SNAP47: variants seen among roughly 807,000 people sequenced by gnomAD.
SNAP47 encodes synaptosomal-associated protein 47.
A neutral mutation model predicts 31.4 loss-of-function variants in SNAP47; 20 were observed. The observed-to-expected ratio is 0.64, with a 90% CI of 0.45 to 0.93. The LOEUF (loss-of-function observed/expected upper bound fraction) is 0.93, where lower values mean the gene tolerates loss of function less well. Among genes scored for constraint, SNAP47 ranks in the 40% least tolerant of loss-of-function variants. The pLI, the probability that SNAP47 is intolerant of heterozygous loss-of-function variation, is 0.00. For synonymous variants in SNAP47, 194 were observed against 213.4 expected, an observed-to-expected ratio of 0.91 and a Z score of 0.79; for missense variants, 492 against 528.5, an observed-to-expected ratio of 0.93 and a Z score of 0.68.
At chr1:227,749,160 T>A (rs546966231) in intron 2 of SNAP47, among the ~76,000 whole-genome samples, 5 of 152,266 alleles carry the variant, frequency 3.3e-5, no homozygotes, top group African/African-American at 1.2e-4. Context: ...TTGTTTTGCT[T>A]ATGGTTTCTG....
intron 4 of SNAP47, chr1:227,768,487 C>A (rs1663580123): frequency 4.5e-6 from 1 of 222,262 alleles, no homozygotes; most frequent in Non-Finnish European, 7.6e-6. Flanking sequence ...TTTTTAAAAA[C>A]CAATTCTTAC....
chr1:227,734,875 T>C, upstream of SNAP47: 1 of 1,602,110 alleles, frequency 6.2e-7, no homozygotes, highest in African/African-American at 1.3e-5. Context: ...CTCCAAACCG[T>C]CTGCAGAGGA....
At chr1:227,734,036 TGA>T, upstream of SNAP47, 1 of 1,611,928 alleles carries the variant, frequency 6.2e-7, no homozygotes, top group Non-Finnish European at 8.5e-7. Flanking sequence ...AAAGTCCCTG[TGA>T]GGAGGGCGCA....
chr1:227,732,584 C>T (rs752532169), upstream of SNAP47: 2 of 1,613,514 alleles, frequency 1.2e-6, no homozygotes, highest in South Asian at 1.1e-5. Flanking sequence ...CAGCGGCTGC[C>T]TCCCTCAGGA....
At chr1:227,745,009 G>C (rs577041528) in intron 1 of SNAP47, among the ~76,000 whole-genome samples, 1 of 152,200 alleles carries the variant, frequency 6.6e-6, no homozygotes, top group African/African-American at 2.4e-5. Context: ...GAGAGGAAGC[G>C]TGCCAGGATC....
intron 4 of SNAP47, among the ~76,000 whole-genome samples, chr1:227,775,397 A>T (rs558019111): frequency 6.6e-6 from 1 of 152,200 alleles, no homozygotes; most frequent in South Asian, 2.1e-4. Flanking sequence ...CAGCTTAATG[A>T]CACGGCCAGG....
At chr1:227,743,981 G>A (rs2102905490) in intron 1 of SNAP47, 1 of 152,292 alleles carries the variant, frequency 6.6e-6, no homozygotes, top group Admixed American at 6.5e-5. Context: ...TTGGTCCCAG[G>A]ACCTCCTGCA....
chr1:227,752,314 A>G (rs543133776), intron 2 of SNAP47, among the ~76,000 whole-genome samples: 1 of 152,144 alleles, frequency 6.6e-6, no homozygotes, highest in African/African-American at 2.4e-5. Context: ...CAAGTGTACT[A>G]TTAGTATGGA....
At chr1:227,774,530 C>T (rs1664037701) in intron 4 of SNAP47, among the ~76,000 whole-genome samples, 1 of 152,158 alleles carries the variant, frequency 6.6e-6, no homozygotes, top group Non-Finnish European at 1.5e-5. Flanking sequence ...CCTGTCCCCT[C>T]CATGCACAGC....
intron 2 of SNAP47, 131 bp from the exon 3 acceptor site, chr1:227,758,864 G>A: frequency 4.5e-6 from 5 of 1,118,030 alleles, no homozygotes; most frequent in Non-Finnish European, 1.2e-6. Context: ...GCTTCATGGA[G>A]TGCTTGTGGA....
intron 4 of SNAP47, among the ~76,000 whole-genome samples, chr1:227,770,070 G>A (rs1663695777): frequency 6.6e-6 from 1 of 152,198 alleles, no homozygotes; most frequent in Non-Finnish European, 1.5e-5. Flanking sequence ...TTCCTGATAG[G>A]AACAGATGTG....
In SNAP47 at chr1:227,776,166, A is replaced by G. The variant is rs946686662; in HGVS notation, c.1114-4361A>G. Reference sequence around the variant, plus strand: ...CGGGTCCCACAAGCCGCTCAGGACCACAGAGTCTGGCCATGGGTCTGGCCA... The same window carrying G: ...CGGGTCCCACAAGCCGCTCAGGACCGCAGAGTCTGGCCATGGGTCTGGCCA... On this transcript the variant is annotated intron_variant, in intron 4 of 4. Coordinates refer to ENST00000617596, the MANE Select transcript of SNAP47 (RefSeq NM_053052.4). The G allele has an allele frequency of 3.5e-6, 4 of 1,149,566 alleles. No individual in the cohort carries two copies. The African/African-American group carries it at 4.8e-5, about 14-fold the overall frequency. 71.2% of individuals were successfully genotyped at this position (1,149,566 alleles called of 1,614,324 possible). A position where few individuals can be genotyped will look rare whatever the true frequency, so the allele number is the denominator to read the frequency against.
At chr1:227,732,990 C>G, upstream of SNAP47, 1 of 1,613,520 alleles carries the variant, frequency 6.2e-7, no homozygotes, top group Non-Finnish European at 8.5e-7. Flanking sequence ...CAGGTTGAAG[C>G]CATTGACCCA....
chr1:227,735,002 G>A (rs1425313713), upstream of SNAP47: 5 of 1,517,452 alleles, frequency 3.3e-6, no homozygotes, highest in Non-Finnish European at 2.6e-6. Context: ...GTCTGCGGCC[G>A]CCGCCCCACC....
Position 227,741,889 on chromosome 1 carries a change from CTCT to C in SNAP47, c.-45-5798_-45-5796del, listed in dbSNP as rs368095709. On this transcript the variant is annotated intron_variant, in intron 1 of 4. Transcript: ENST00000617596. The surrounding 1 kb of genome is among the most constrained non-coding windows in gnomAD (Gnocchi z 4.2). ...GTTGGAAAAGGGTGGCTACAAGTTT[CTCT>C]TCTTGCTTCTTCCTGGGCTGTTGTC... is the stretch of plus-strand genomic sequence containing the variant. Among the ~76,000 whole-genome samples the C allele has an allele frequency of 2.0e-5, 3 of 149,408 alleles. No individual in the cohort carries two copies. The highest frequency in any genetic ancestry group is 7.5e-5 in the African/African-American group (3 of 40,172).
chr1:227,764,928 A>C (rs1663295218), intron 3 of SNAP47, among the ~76,000 whole-genome samples: 3 of 152,140 alleles, frequency 2.0e-5, no homozygotes, highest in Non-Finnish European at 2.9e-5. Flanking sequence ...CACAAAAATT[A>C]GCAGGTCGTA....
intron 1 of SNAP47, among the ~76,000 whole-genome samples, chr1:227,747,400 GCA>G (rs753515655): frequency 1.3e-5 from 2 of 152,178 alleles, no homozygotes; most frequent in Non-Finnish European, 2.9e-5. Flanking sequence ...GGGTGCAGGG[GCA>G]CAGAGTGTGG....
At chr1:227,736,686 G>GTTTTT (rs112159513) in intron 1 of SNAP47, among the ~76,000 whole-genome samples, 226 of 110,868 alleles carry the variant, frequency 2.0e-3, no homozygotes, top group African/African-American at 2.7e-3. Flanking sequence ...TTTTGTTTTT[G>GTTTTT]TTTTTTTTTT....
At chr1:227,773,343 G>C (rs911417176) in intron 4 of SNAP47, among the ~76,000 whole-genome samples, 1 of 152,048 alleles carries the variant, frequency 6.6e-6, no homozygotes, top group Non-Finnish European at 1.5e-5. Context: ...AGAATATAAA[G>C]AAAAATTATT....
Sources: allele counts gnomAD v4.1 joint callset (sites outside exome capture counted in the v4.1 genomes callset), GRCh38; gene constraint gnomAD v4.1.1; non-coding constraint Gnocchi (gnomAD v3.1); transcripts MANE v1.5; gene names NCBI Gene and HGNC (gene_info 2026-07-23, HGNC 2026-07-21).